The following GAB2 variants were observed in gnomAD, a reference collection of about 807,000 sequenced individuals.
The protein encoded by GAB2 is GRB2-associated-binding protein 2.
GAB2 carries 26 observed loss-of-function variants against 65.5 expected under a neutral mutation model. That is an observed-to-expected ratio of 0.40 (90% CI 0.29 to 0.55). GAB2 has a LOEUF of 0.55. Among genes scored for constraint, GAB2 ranks in the 20% least tolerant of loss-of-function variants. The probability of loss-of-function intolerance (pLI) is 0.53; values close to 1 mark genes in which losing one functional copy is unlikely to be tolerated. For missense variants in GAB2, 884 were observed against 875.8 expected, an observed-to-expected ratio of 1.01 and a Z score of -0.12; for synonymous variants, 321 against 329.6, an observed-to-expected ratio of 0.97 and a Z score of 0.28.
intron 1 of GAB2, among the ~76,000 whole-genome samples, chr11:78,395,182 G>A (rs940349092): frequency 6.6e-6 from 1 of 152,206 alleles, no homozygotes; most frequent in Non-Finnish European, 1.5e-5. Context: ...GGCCAGGCGC[G>A]GCGGCTCACG....
chr11:78,307,614 G>GAGAGAGAGAGAGAGAGAC (rs1855394625), intron 1 of GAB2, among the ~76,000 whole-genome samples: 1 of 149,592 alleles, frequency 6.7e-6, no homozygotes, highest in African/African-American at 2.5e-5. Context: ...TAGAGAGAGA[G>GAGAGAGAGAGAGAGAGAC]AGAGAGAGAG....
intron 1 of GAB2, 80 bp downstream of exon 1, chr11:78,417,566 G>C: frequency 1.9e-6 from 1 of 536,142 alleles, no homozygotes. Flanking sequence ...CCAGCCTGCC[G>C]CCCCTCCGGG....
chr11:78,293,285 A>C (rs2134609650), intron 1 of GAB2, among the ~76,000 whole-genome samples: 1 of 152,288 alleles, frequency 6.6e-6, no homozygotes, highest in South Asian at 2.1e-4. Context: ...GCACAGAATG[A>C]ATTTTTTCTT....
intron 1 of GAB2, among the ~76,000 whole-genome samples, chr11:78,401,111 G>A (rs893151477): frequency 6.8e-6 from 1 of 147,342 alleles, no homozygotes; most frequent in Non-Finnish European, 1.5e-5. Context: ...ACCAAGTGAG[G>A]TTTAAAAAAA....
At chr11:78,231,610 A>T (rs1864856214) in intron 3 of GAB2, among the ~76,000 whole-genome samples, 1 of 152,054 alleles carries the variant, frequency 6.6e-6, no homozygotes, top group Non-Finnish European at 1.5e-5. Flanking sequence ...AGCCTCCCAA[A>T]GTGCTGGGAT....
chr11:78,396,762 TA>T (rs1331471333), intron 1 of GAB2, among the ~76,000 whole-genome samples: 1 of 152,156 alleles, frequency 6.6e-6, no homozygotes, highest in African/African-American at 2.4e-5. Flanking sequence ...TGTGCCCGAC[TA>T]ATCTTGTATT....
intron 1 of GAB2, among the ~76,000 whole-genome samples, chr11:78,354,810 G>T (rs1321406712): frequency 1.3e-5 from 2 of 152,174 alleles, no homozygotes; most frequent in Non-Finnish European, 2.9e-5. Context: ...TGGCTCTTAG[G>T]AGAGAACTGG....
At chr11:78,327,556 T>C (rs1855845733) in intron 1 of GAB2, among the ~76,000 whole-genome samples, 11 of 152,100 alleles carry the variant, frequency 7.2e-5, no homozygotes, top group Admixed American at 7.2e-4. Context: ...TCATGAAGTG[T>C]TTGGGAAACA....
chr11:78,321,224 G>A (rs1178238691), intron 1 of GAB2, among the ~76,000 whole-genome samples: 1 of 152,142 alleles, frequency 6.6e-6, no homozygotes, highest in Non-Finnish European at 1.5e-5. Flanking sequence ...CCTTAGCACA[G>A]TACTAAGAGC....
intron 1 of GAB2, among the ~76,000 whole-genome samples, chr11:78,301,875 A>C (rs1867029524): frequency 6.6e-6 from 1 of 152,334 alleles, no homozygotes; most frequent in South Asian, 2.1e-4. Context: ...TAGAGAACCC[A>C]AAAATAAACC....
chr11:78,371,665 T>C (rs1856572760), intron 1 of GAB2, among the ~76,000 whole-genome samples: 1 of 152,222 alleles, frequency 6.6e-6, no homozygotes, highest in African/African-American at 2.4e-5. Flanking sequence ...CAGTTCATGC[T>C]TATAGCTGGG....
chr11:78,251,989 A>G (rs1865467965), intron 2 of GAB2, among the ~76,000 whole-genome samples: 1 of 152,268 alleles, frequency 6.6e-6, no homozygotes, highest in South Asian at 2.1e-4. Flanking sequence ...CTTGTTCGAA[A>G]GAAATAAAAG....
chr11:78,274,363 G>A (rs181152148), intron 2 of GAB2, among the ~76,000 whole-genome samples: 1 of 152,024 alleles, frequency 6.6e-6, no homozygotes, highest in Non-Finnish European at 1.5e-5. Flanking sequence ...ATATGATGAA[G>A]CCTCTATAGG....
chr11:78,290,379 A>G (rs1866628434), intron 1 of GAB2, among the ~76,000 whole-genome samples: 1 of 152,212 alleles, frequency 6.6e-6, no homozygotes, highest in Non-Finnish European at 1.5e-5. Flanking sequence ...AAAACAAACC[A>G]TTTCACAACC....
intron 1 of GAB2, among the ~76,000 whole-genome samples, chr11:78,379,065 A>G (rs1856666884): frequency 6.6e-6 from 1 of 152,258 alleles, no homozygotes; most frequent in African/African-American, 2.4e-5. Context: ...GCAATCAATA[A>G]GTGTTCGTTA....
chr11:78,226,470 T>A lies in GAB2; in HGVS notation c.1202A>T (p.His401Leu), dbSNP rs759872862. 1 of 1,612,474 alleles carries A rather than the reference T, an allele frequency of 6.2e-7. No individual in the cohort carries two copies. The highest frequency in any genetic ancestry group is 2.2e-5 in the East Asian group (1 of 44,876). The change falls in exon 4 of 10, where the codon CAC becomes CTC. Residue 401 changes from histidine to leucine, a missense_variant. Physicochemically the swap from His to Leu is moderately conservative, Grantham distance 99 (BLOSUM62 -3). Coordinates refer to ENST00000361507, the MANE Select transcript of GAB2 (RefSeq NM_080491.3). ...TLPAMDNSRL[H>L]RASSCETYEY... Reference sequence around the variant, plus strand: ...CAGCTAGGACTTATACTGACCTCGGTGAAGTCGGCTGTTGTCCATTGCAGG... The same window carrying A: ...CAGCTAGGACTTATACTGACCTCGGAGAAGTCGGCTGTTGTCCATTGCAGG...
intron 4 of GAB2, 33 bp from the exon 5 acceptor site, chr11:78,225,235 T>C (rs1185223177): frequency 1.4e-6 from 2 of 1,425,856 alleles, no homozygotes; most frequent in Non-Finnish European, 9.9e-7. Context: ...TAAGTACTCA[T>C]GGTTGATTCA....
At chr11:78,259,751 C>G (rs1590974162) in intron 2 of GAB2, among the ~76,000 whole-genome samples, 1 of 152,182 alleles carries the variant, frequency 6.6e-6, no homozygotes, top group South Asian at 2.1e-4. Context: ...TCAAATCTCT[C>G]ATCTACAGTT....
chr11:78,245,309 C>A (rs1000342755), intron 3 of GAB2, among the ~76,000 whole-genome samples: 2 of 148,464 alleles, frequency 1.3e-5, no homozygotes, highest in African/African-American at 4.9e-5. Flanking sequence ...TATGTATTTA[C>A]TACAATTTTT....
Sources: allele counts gnomAD v4.1 joint callset (sites outside exome capture counted in the v4.1 genomes callset), GRCh38; gene constraint gnomAD v4.1.1; transcripts MANE v1.5; gene names NCBI Gene and HGNC (gene_info 2026-07-23, HGNC 2026-07-21).